The following TENM1 variants were observed in gnomAD, a reference collection of about 807,000 sequenced individuals.
TENM1 encodes the protein teneurin transmembrane protein 1.
TENM1 carries 35 observed loss-of-function variants against 174.8 expected under a neutral mutation model. That is an observed-to-expected ratio of 0.20 (90% CI 0.15 to 0.27). The LOEUF (loss-of-function observed/expected upper bound fraction) is 0.27. Ranked by LOEUF, TENM1 falls within the 10% of genes least tolerant of loss-of-function variation. The pLI, the probability that TENM1 is intolerant of heterozygous loss-of-function variation, is 1.00. For missense variants in TENM1, 1,633 were observed against 2,130.1 expected (o/e 0.77, Z 4.59); for synonymous variants, 781 against 798.7 (o/e 0.98, Z 0.37).
At chrX:124,617,585 T>A (rs2050425339) in intron 11 of TENM1, among the ~76,000 whole-genome samples, 1 of 112,015 alleles carries the variant, frequency 8.9e-6, no homozygotes, top group Admixed American at 9.5e-5. Context: ...ACATATCCTG[T>A]CTCTCAAATC....
chrX:125,060,100 G>A, the TENM1 span, among the ~76,000 whole-genome samples: 19 of 107,927 alleles, frequency 1.8e-4, no homozygotes, highest in African/African-American at 6.1e-4. Flanking sequence ...CCATAACTGC[G>A]TAAGATAATT....
chrX:124,605,353 A>C (rs2148290739), intron 11 of TENM1, among the ~76,000 whole-genome samples: 1 of 107,650 alleles, frequency 9.3e-6, no homozygotes, highest in South Asian at 4.2e-4. Flanking sequence ...CACAGATAAA[A>C]CCACTTTTTT....
chrX:124,788,513 C>G (rs1302241415), intron 3 of TENM1, among the ~76,000 whole-genome samples: 1 of 112,460 alleles, frequency 8.9e-6, no homozygotes, highest in Non-Finnish European at 1.9e-5. Flanking sequence ...CCTGTAAAAT[C>G]AAAATCCAGT....
chrX:124,781,724 A>G (rs1166394261), intron 3 of TENM1, among the ~76,000 whole-genome samples: 5 of 111,414 alleles, frequency 4.5e-5, no homozygotes, highest in Non-Finnish European at 7.5e-5. Flanking sequence ...TGGCTCCTTA[A>G]GCATTGCCTT....
intron 11 of TENM1, among the ~76,000 whole-genome samples, chrX:124,614,741 G>T (rs2050358068): frequency 8.9e-6 from 1 of 112,117 alleles, no homozygotes; most frequent in Non-Finnish European, 1.9e-5. Flanking sequence ...AAATTAGCTG[G>T]GCGTGGTGGT....
upstream of TENM1, among the ~76,000 whole-genome samples, chrX:124,966,526 G>T (rs1482068366): frequency 9.2e-6 from 1 of 108,529 alleles, no homozygotes; most frequent in East Asian, 2.9e-4. Flanking sequence ...GCCGGGCGTG[G>T]TAGCGGGCGC....
intron 1 of TENM1, among the ~76,000 whole-genome samples, chrX:124,929,909 T>A (rs897523364): frequency 5.4e-5 from 6 of 111,800 alleles, no homozygotes; most frequent in African/African-American, 2.0e-4. Context: ...AAGCCTAAGG[T>A]TTCAGAGAAA....
intron 5 of TENM1, among the ~76,000 whole-genome samples, chrX:124,685,117 C>G (rs188666611): frequency 7.2e-4 from 75 of 104,759 alleles, no homozygotes; most frequent in African/African-American, 2.5e-3. Flanking sequence ...CATGACATCA[C>G]CAAAGGGAAA....
At chrX:124,947,212 G>T (rs1346125142) in intron 1 of TENM1, among the ~76,000 whole-genome samples, 1 of 111,673 alleles carries the variant, frequency 9.0e-6, no homozygotes, top group South Asian at 3.7e-4. Context: ...AATCATAGTG[G>T]ATCCCTGACA....
the TENM1 span, among the ~76,000 whole-genome samples, chrX:125,056,727 A>G: frequency 1.4e-4 from 16 of 111,887 alleles, no homozygotes; most frequent in African/African-American, 6.5e-5. Context: ...AATGAACTCC[A>G]GCTCCGTAAT....
At position 124,452,415 on chromosome X, in the gene TENM1, C is replaced by T. The variant is rs763233231; in HGVS notation, c.4104+922G>A. Among the ~76,000 whole-genome samples the T allele has an allele frequency of 8.3e-3, 924 of 111,907 alleles. 7 individuals are homozygous for T. The highest frequency in any genetic ancestry group is 0.014 in the Non-Finnish European group (725 of 53,128). On this transcript the variant is annotated intron_variant, in intron 23 of 31. Coordinates refer to ENST00000422452, the Ensembl canonical transcript of TENM1. ...TGGAGAAATAGGAACACTTTTACAC[C>T]GTTGGTGGGACTGTCAACTGGTTCA...
chrX:125,161,061 A>C, the TENM1 span, among the ~76,000 whole-genome samples: 1 of 104,663 alleles, frequency 9.6e-6, no homozygotes, highest in Non-Finnish European at 1.9e-5. Context: ...AAAAAAAAAA[A>C]CAAAACCCAA....
At chrX:125,186,179 T>C in the TENM1 span, among the ~76,000 whole-genome samples, 1 of 111,353 alleles carries the variant, frequency 9.0e-6, no homozygotes, top group African/African-American at 3.3e-5. Flanking sequence ...AAATCATATA[T>C]GTATTTCATC....
intron 15 of TENM1, among the ~76,000 whole-genome samples, chrX:124,541,152 T>A (rs932819976): frequency 8.9e-6 from 1 of 112,443 alleles, no homozygotes. Flanking sequence ...GAGAATTGGA[T>A]TATTTAAGGT....
At chrX:124,688,139 C>T (rs1038167684) in intron 5 of TENM1, among the ~76,000 whole-genome samples, 6 of 106,512 alleles carry the variant, frequency 5.6e-5, no homozygotes, top group Non-Finnish European at 1.2e-4. Flanking sequence ...CCTCTCCTCT[C>T]TTCTCTTCTC....
At chrX:124,717,042 C>G (rs765022316) in intron 4 of TENM1, among the ~76,000 whole-genome samples, 12 of 110,464 alleles carry the variant, frequency 1.1e-4, no homozygotes, top group Non-Finnish European at 1.9e-4. Flanking sequence ...AATAAACTTC[C>G]ACTCCTGCTC....
At chrX:124,578,277 G>A (rs1312113078) in intron 11 of TENM1, among the ~76,000 whole-genome samples, 1 of 111,442 alleles carries the variant, frequency 9.0e-6, no homozygotes, top group Non-Finnish European at 1.9e-5. Context: ...AGTTTCCAAG[G>A]TTAGGATATT....
intron 11 of TENM1, among the ~76,000 whole-genome samples, chrX:124,589,510 T>C (rs1050445222): frequency 1.8e-5 from 2 of 110,918 alleles, no homozygotes; most frequent in Non-Finnish European, 3.8e-5. Flanking sequence ...CTCTTCTTTG[T>C]ACACTGGTAG....
chrX:124,953,043 A>G (rs138420386), intron 1 of TENM1, among the ~76,000 whole-genome samples: 1,143 of 111,960 alleles, frequency 0.01, 16 homozygotes, highest in African/African-American at 0.035. Context: ...GTTGAAAATA[A>G]ACAGAACTTA....
Sources: allele counts gnomAD v4.1 joint callset (sites outside exome capture counted in the v4.1 genomes callset), GRCh38; gene constraint gnomAD v4.1.1; transcripts MANE v1.5; gene names NCBI Gene and HGNC (gene_info 2026-07-23, HGNC 2026-07-21).